PHLDB2: variants seen among roughly 807,000 people sequenced by gnomAD.
PHLDB2 encodes the protein pleckstrin homology-like domain family B member 2.
In PHLDB2, 71 loss-of-function variants were observed where a neutral mutation model predicts 123.6. The observed-to-expected ratio is 0.57, with a 90% CI of 0.47 to 0.70. The LOEUF is 0.70. Among genes scored for constraint, PHLDB2 ranks in the 30% least tolerant of loss-of-function variants. The pLI, the probability that PHLDB2 is intolerant of heterozygous loss-of-function variation, is 0.00. For synonymous variants in PHLDB2, 547 were observed against 541.6 expected (o/e 1.01, Z -0.14); for missense variants, 1,446 against 1,519.5 (o/e 0.95, Z 0.80).
intron 3 of PHLDB2, among the ~76,000 whole-genome samples, chr3:111,918,353 C>T (rs1361945480): frequency 2.0e-5 from 3 of 152,132 alleles, no homozygotes; most frequent in Non-Finnish European, 4.4e-5. Flanking sequence ...GGCCAGTGTC[C>T]TGTTTTAGGG....
chr3:111,834,097 T>TATATATATTATATATGTAATAGAAA (rs2063230218), intron 1 of PHLDB2, among the ~76,000 whole-genome samples: 8 of 115,760 alleles, frequency 6.9e-5, no homozygotes, highest in Non-Finnish European at 1.2e-4. Context: ...TGTAATAGAA[T>TATATATATTATATATGTAATAGAAA]TATATATATT....
chr3:111,797,988 G>A (rs1034815364), intron 1 of PHLDB2, among the ~76,000 whole-genome samples: 6 of 152,092 alleles, frequency 3.9e-5, no homozygotes, highest in Admixed American at 1.3e-4. Context: ...AAGAACATTA[G>A]CTAAGTGTAA....
intron 1 of PHLDB2, among the ~76,000 whole-genome samples, chr3:111,860,508 C>G (rs529786501): frequency 2.5e-4 from 38 of 152,332 alleles, no homozygotes; most frequent in Admixed American, 2.2e-3. Context: ...TAACTTAGCC[C>G]TAGCAGTCAT....
Position 111,921,626 on chromosome 3 carries a change from C to T in PHLDB2, c.2001+1207C>T, listed in dbSNP as rs867863136. ...AGACTTTTTTTTTTTTTTTTTGAAA[C>T]GGAGTCTCACTCTGTCGCCCAGGCT... On this transcript the variant is annotated intron_variant, in intron 5 of 17. Transcript: ENST00000431670. Among the ~76,000 whole-genome samples, 122 of 75,834 alleles carry T rather than the reference C, an allele frequency of 1.6e-3. 2 individuals carry two copies. In the Middle Eastern group the frequency reaches 0.05, roughly 31 times the overall value. 49.8% of individuals were successfully genotyped at this position (75,834 alleles called of 152,430 possible).
intron 2 of PHLDB2, among the ~76,000 whole-genome samples, chr3:111,898,311 A>G (rs1197522734): frequency 6.6e-6 from 1 of 151,974 alleles, no homozygotes; most frequent in East Asian, 1.9e-4. Flanking sequence ...CCTCCCAAGC[A>G]GCTGGGATTA....
intron 5 of PHLDB2, among the ~76,000 whole-genome samples, chr3:111,931,010 G>A (rs1160086746): frequency 6.6e-6 from 1 of 152,078 alleles, no homozygotes; most frequent in Non-Finnish European, 1.5e-5. Context: ...TCTTTTATAC[G>A]GAATCTATGT....
intron 16 of PHLDB2, among the ~76,000 whole-genome samples, chr3:111,970,822 T>C (rs532460135): frequency 6.6e-6 from 1 of 152,110 alleles, no homozygotes; most frequent in South Asian, 2.1e-4. Flanking sequence ...TCACCAGGAA[T>C]AGTAAAATGT....
At chr3:111,779,966 A>AG in intron 1 of PHLDB2, 1 of 695,858 alleles carries the variant, frequency 1.4e-6, no homozygotes, top group Non-Finnish European at 1.8e-6. Context: ...GGAAGAGGAG[A>AG]GTCGAGGACT....
intron 16 of PHLDB2, among the ~76,000 whole-genome samples, chr3:111,972,664 A>G (rs977550695): frequency 2.5e-4 from 38 of 151,278 alleles, no homozygotes; most frequent in African/African-American, 8.2e-4. Context: ...ATTTCATATA[A>G]TAGTATTTCA....
intron 1 of PHLDB2, among the ~76,000 whole-genome samples, chr3:111,754,068 T>G (rs1056070880): frequency 2.0e-5 from 3 of 152,130 alleles, no homozygotes; most frequent in Non-Finnish European, 4.4e-5. Flanking sequence ...TAGTATAGTT[T>G]GAAGTCAGGT....
At position 111,767,867 on chromosome 3, in the gene PHLDB2, G is replaced by A. The variant is rs993127274; in HGVS notation, c.-49+35164G>A. ...GGCTACTAAATTTGTCTATAGAGAT[G>A]TTAATTTTTGTCTTGACTTAGGTTT... On this transcript the variant is annotated intron_variant, in intron 1 of 17. Coordinates refer to the PHLDB2 transcript ENST00000393923. Among the ~76,000 whole-genome samples the A allele has an allele frequency of 2.0e-5, 3 of 152,292 alleles. No homozygotes were observed. In the South Asian group the frequency reaches 6.2e-4, roughly 32 times the overall value.
rs2070223780 is a variant in PHLDB2 at position 111,945,308 on chromosome 3, G to C, written c.2438G>C (p.Ser813Thr). Reference protein sequence around the residue: ...NLCNLEKKYSSLSGGKGFPVN... With the variant: ...NLCNLEKKYSTLSGGKGFPVN... Reference sequence around the variant, plus strand: ...TGTAATTTGGAAAAGAAATACTCCAGCCTCTCTGGGGGGAAAGGGTTTCCC... The same window carrying C: ...TGTAATTTGGAAAAGAAATACTCCACCCTCTCTGGGGGGAAAGGGTTTCCC... The change falls in exon 9 of 18, where the codon AGC (serine) becomes ACC (threonine). Residue 813 changes from serine to threonine, a missense_variant. Physicochemically the swap from Ser to Thr is moderately conservative, Grantham distance 58. Around this residue, in one of 3 missense-constraint regions of PHLDB2, gnomAD observed 594 missense variants for 646.0 expected, o/e 0.92. Coordinates refer to ENST00000431670, the MANE Select transcript of PHLDB2 (RefSeq NM_001134438.2). 1 of 1,611,134 alleles carries C rather than the reference G, an allele frequency of 6.2e-7. No individual in the cohort carries two copies. Among genetic ancestry groups the C allele is most frequent in the Admixed American group, 1.7e-5 (1 of 59,834 alleles).
At chr3:111,844,388 TCTA>T (rs1365005330) in intron 1 of PHLDB2, among the ~76,000 whole-genome samples, 28 of 152,196 alleles carry the variant, frequency 1.8e-4, no homozygotes, top group African/African-American at 6.5e-4. Flanking sequence ...CCACATCTGT[TCTA>T]CTTTCAATAT....
chr3:111,878,623 T>C (rs2065776704), intron 1 of PHLDB2, among the ~76,000 whole-genome samples: 1 of 152,236 alleles, frequency 6.6e-6, no homozygotes, highest in Non-Finnish European at 1.5e-5. Context: ...CATCGTTGTC[T>C]TGTGCTGGTT....
chr3:111,802,497 T>C (rs2061414328), intron 1 of PHLDB2, among the ~76,000 whole-genome samples: 1 of 152,230 alleles, frequency 6.6e-6, no homozygotes, highest in Non-Finnish European at 1.5e-5. Context: ...TTAGAATATT[T>C]ATTTCCTGTT....
In PHLDB2 at chr3:111,930,958, A is replaced by G. The variant is rs542625399; in HGVS notation, c.2002-1311A>G. 3.9e-5 allele frequency among the ~76,000 whole-genome samples: 6 copies of G among 152,338 alleles called. No individual in the cohort carries two copies. The South Asian group carries it at 8.3e-4, about 21-fold the overall frequency. Reference sequence around the variant, plus strand: ...AAGTGAAAAATGGAGACTCAAGTGAACTGGTATTGATATCATGTAGTTTTA... The same window carrying G: ...AAGTGAAAAATGGAGACTCAAGTGAGCTGGTATTGATATCATGTAGTTTTA... On this transcript the variant is annotated intron_variant, in intron 5 of 17. Coordinates refer to ENST00000431670, the MANE Select transcript of PHLDB2 (RefSeq NM_001134438.2).
chr3:111,939,697 A>C (rs1033632572), intron 7 of PHLDB2, 67 bp downstream of exon 7: 5 of 1,461,774 alleles, frequency 3.4e-6, no homozygotes, highest in Non-Finnish European at 4.6e-6. Flanking sequence ...TAGCTATGAC[A>C]TATGTCTGTC....
intron 1 of PHLDB2, among the ~76,000 whole-genome samples, chr3:111,791,349 T>A (rs1222016965): frequency 6.6e-6 from 1 of 152,212 alleles, no homozygotes; most frequent in African/African-American, 2.4e-5. Flanking sequence ...AATGACAAGA[T>A]GATTCTGTTT....
chr3:111,753,619 A>C (rs1338590423), intron 1 of PHLDB2, among the ~76,000 whole-genome samples: 1 of 152,088 alleles, frequency 6.6e-6, no homozygotes, highest in Non-Finnish European at 1.5e-5. Flanking sequence ...CTCTGATGGT[A>C]GTTTCTTTTG....
Sources: gnomAD v4.1 joint callset for allele counts (sites outside exome capture counted in the v4.1 genomes callset) on GRCh38, gnomAD v4.1.1 for gene constraint, gnomAD v4.1.1 regional missense constraint, MANE v1.5 for transcripts, NCBI Gene and HGNC (gene_info 2026-07-23, HGNC 2026-07-21) for gene names.